KIAA1328: variants seen among roughly 807,000 people sequenced by gnomAD.
KIAA1328 encodes KIAA1328.
A neutral mutation model predicts 68.1 loss-of-function variants in KIAA1328; 52 were observed. The observed-to-expected ratio is 0.76, with a 90% CI of 0.61 to 0.96. The LOEUF (loss-of-function observed/expected upper bound fraction) is 0.96. KIAA1328 is among the 40% of genes least tolerant of loss of function. KIAA1328 has a pLI of 0.00. For missense variants in KIAA1328, 641 were observed against 677.6 expected (o/e 0.95, Z 0.60); for synonymous variants, 232 against 239.4 (o/e 0.97, Z 0.28).
intron 9 of KIAA1328, among the ~76,000 whole-genome samples, chr18:37,185,848 T>TG (rs2059787263): frequency 6.6e-6 from 1 of 152,084 alleles, no homozygotes; most frequent in Non-Finnish European, 1.5e-5. Flanking sequence ...TTCAGCTTAC[T>TG]TTTTCTTTAT....
At chr18:37,130,102 C>A (rs2058486799) in intron 7 of KIAA1328, among the ~76,000 whole-genome samples, 1 of 151,922 alleles carries the variant, frequency 6.6e-6, no homozygotes, top group Non-Finnish European at 1.5e-5. Flanking sequence ...GCCTCCTAAG[C>A]TGATTAATTA....
chr18:37,099,190 C>G (rs1048750107), intron 7 of KIAA1328, among the ~76,000 whole-genome samples: 1 of 152,068 alleles, frequency 6.6e-6, no homozygotes, highest in Non-Finnish European at 1.5e-5. Flanking sequence ...TAGATCTTTC[C>G]TGCTTTCTCT....
intron 9 of KIAA1328, among the ~76,000 whole-genome samples, chr18:37,179,151 T>A (rs2154215111): frequency 6.6e-6 from 1 of 152,312 alleles, no homozygotes; most frequent in African/African-American, 2.4e-5. Context: ...TCCTGACCAA[T>A]GTCATGGAGC....
chr18:36,972,275 A>G (rs1383490704), intron 6 of KIAA1328, among the ~76,000 whole-genome samples: 1 of 152,216 alleles, frequency 6.6e-6, no homozygotes, highest in African/African-American at 2.4e-5. Context: ...CTAAACATTA[A>G]TCCATCATTC....
intron 7 of KIAA1328, among the ~76,000 whole-genome samples, chr18:37,159,876 C>T (rs908011334): frequency 1.8e-4 from 27 of 152,092 alleles, no homozygotes; most frequent in African/African-American, 5.8e-4. Flanking sequence ...TATGCAAGTC[C>T]TGTTTTAGCA....
At position 37,034,121 on chromosome 18, in the gene KIAA1328, T is replaced by C. The variant is rs150878358; in HGVS notation, c.577-32769T>C. Among the ~76,000 whole-genome samples the C allele has an allele frequency of 2.6e-4, 39 of 152,312 alleles. No individual in the cohort carries two copies. In the East Asian group the frequency reaches 6.4e-3, roughly 25 times the overall value. On this transcript the variant is annotated intron_variant, in intron 6 of 9. Transcript: ENST00000280020. ...GTTGAATTTTAGCATACAAATTTAGTGTTAGTCTTAGGAAAACAAAGGCTT... is the reference window on the plus strand; with the variant it reads ...GTTGAATTTTAGCATACAAATTTAGCGTTAGTCTTAGGAAAACAAAGGCTT...
At chr18:36,925,361 A>G (rs982988357) in intron 5 of KIAA1328, among the ~76,000 whole-genome samples, 3 of 152,162 alleles carry the variant, frequency 2.0e-5, no homozygotes, top group Admixed American at 1.3e-4. Context: ...TGACTGAGGA[A>G]AAGAAATAGA....
intron 7 of KIAA1328, among the ~76,000 whole-genome samples, chr18:37,121,346 A>G (rs1476641327): frequency 6.6e-6 from 1 of 152,176 alleles, no homozygotes; most frequent in Non-Finnish European, 1.5e-5. Flanking sequence ...AGATTCGATT[A>G]TATCCATTTG....
At chr18:36,882,183 C>T (rs942081606) in intron 4 of KIAA1328, among the ~76,000 whole-genome samples, 12 of 152,168 alleles carry the variant, frequency 7.9e-5, no homozygotes, top group East Asian at 5.8e-4. Context: ...GTTTTTGGAC[C>T]ACTGTTGACA....
At chr18:37,020,254 C>T (rs1464266903) in intron 6 of KIAA1328, among the ~76,000 whole-genome samples, 1 of 152,142 alleles carries the variant, frequency 6.6e-6, no homozygotes, top group Non-Finnish European at 1.5e-5. Context: ...TCCCAAGTAG[C>T]TGAGATTACA....
intron 7 of KIAA1328, chr18:37,084,033 G>A (rs557785449): frequency 4.0e-6 from 2 of 503,072 alleles, no homozygotes; most frequent in East Asian, 3.5e-5. Flanking sequence ...TAATTTCTGG[G>A]GATCTAGCTG....
intron 6 of KIAA1328, among the ~76,000 whole-genome samples, chr18:37,002,231 T>TC (rs2053614730): frequency 2.6e-5 from 1 of 37,920 alleles, no homozygotes; most frequent in Admixed American, 2.9e-4. Flanking sequence ...TTTTTTTCTT[T>TC]TTTTTTTTTT....
intron 5 of KIAA1328, among the ~76,000 whole-genome samples, chr18:36,947,679 G>A (rs1260982986): frequency 1.3e-5 from 2 of 152,186 alleles, no homozygotes; most frequent in Non-Finnish European, 2.9e-5. Context: ...ATGTTTCAAA[G>A]GTGCTAGACT....
At chr18:37,187,095 C>T (rs535627236) in intron 9 of KIAA1328, among the ~76,000 whole-genome samples, 32 of 151,616 alleles carry the variant, frequency 2.1e-4, no homozygotes, top group Non-Finnish European at 3.8e-4. Flanking sequence ...GCCTGGGAAG[C>T]AGAGGTTACA....
intron 7 of KIAA1328, among the ~76,000 whole-genome samples, chr18:37,145,848 A>C (rs2058885792): frequency 6.6e-6 from 1 of 151,896 alleles, no homozygotes; most frequent in Non-Finnish European, 1.5e-5. Context: ...TTTATTTTTA[A>C]AGTGTTAACT....
At position 36,861,409 on chromosome 18, in the gene KIAA1328, C is replaced by A. The variant is rs761412541; in HGVS notation, c.332+17107C>A. Among the ~76,000 whole-genome samples, 206 of 152,186 alleles carry A rather than the reference C, an allele frequency of 1.4e-3. 6 individuals are homozygous for A. The highest frequency in any genetic ancestry group is 5.2e-4 in the Admixed American group (8 of 15,278). ...TTTTCTCTGTGTAATTAATTAATAT[C>A]CTGGGGGAGATCCATTGAGACTATT... On this transcript the variant is annotated intron_variant, in intron 4 of 9. Transcript: ENST00000280020.
intron 7 of KIAA1328, among the ~76,000 whole-genome samples, chr18:37,150,694 T>C (rs2059009550): frequency 6.6e-6 from 1 of 152,154 alleles, no homozygotes; most frequent in South Asian, 2.1e-4. Flanking sequence ...TCAGTCAATG[T>C]AATTTGTGAT....
At chr18:36,902,783 C>T (rs1333658959) in intron 5 of KIAA1328, among the ~76,000 whole-genome samples, 1 of 152,072 alleles carries the variant, frequency 6.6e-6, no homozygotes, top group Non-Finnish European at 1.5e-5. Context: ...CCCTTAAATG[C>T]CTGAGCTCCA....
intron 6 of KIAA1328, among the ~76,000 whole-genome samples, chr18:37,007,803 T>C (rs1229769853): frequency 6.6e-6 from 1 of 152,170 alleles, no homozygotes. Flanking sequence ...CCCCTTCTGC[T>C]GATTAAAACT....
Sources: gnomAD v4.1 joint callset for allele counts (sites outside exome capture counted in the v4.1 genomes callset) on GRCh38, gnomAD v4.1.1 for gene constraint, MANE v1.5 for transcripts, NCBI Gene and HGNC (gene_info 2026-07-23, HGNC 2026-07-21) for gene names.